FSTL4: variants seen among roughly 807,000 people sequenced by gnomAD.
FSTL4 encodes the protein follistatin like 4, also known as follistatin-related protein 4.
A neutral mutation model predicts 78.2 loss-of-function variants in FSTL4; 28 were observed. The observed-to-expected ratio is 0.36, with a 90% confidence interval of 0.27 to 0.49. The LOEUF is 0.49. FSTL4 is among the 20% of genes least tolerant of loss of function. The pLI is 0.98. For synonymous variants in FSTL4, 422 were observed against 440.5 expected (o/e 0.96, Z 0.53); for missense variants, 922 against 1,084.9 (o/e 0.85, Z 2.11).
the FSTL4 span, among the ~76,000 whole-genome samples, chr5:133,655,184 C>A: frequency 6.6e-6 from 1 of 152,208 alleles, no homozygotes; most frequent in Non-Finnish European, 1.5e-5. Context: ...GTTCTTCCTT[C>A]TTTTCACCTT....
At chr5:133,206,565 T>A (rs1267916086) in intron 14 of FSTL4, among the ~76,000 whole-genome samples, 1 of 152,178 alleles carries the variant, frequency 6.6e-6, no homozygotes, top group African/African-American at 2.4e-5. Context: ...TTTCACCATG[T>A]TGGCCAGGAT....
At chr5:133,352,409 T>C (rs1754852351) in intron 4 of FSTL4, among the ~76,000 whole-genome samples, 1 of 151,016 alleles carries the variant, frequency 6.6e-6, no homozygotes, top group African/African-American at 2.4e-5. Context: ...TATACACATA[T>C]ATATATATGG....
intron 4 of FSTL4, among the ~76,000 whole-genome samples, chr5:133,395,331 C>G (rs145019891): frequency 8.5e-5 from 13 of 152,202 alleles, no homozygotes; most frequent in African/African-American, 2.9e-4. Context: ...CAACTCCAGA[C>G]GCGCCGCCTT....
At chr5:133,479,438 A>C (rs1757984772) in intron 3 of FSTL4, among the ~76,000 whole-genome samples, 1 of 152,366 alleles carries the variant, frequency 6.6e-6, no homozygotes, top group South Asian at 2.1e-4. Context: ...ACAATAGCCA[A>C]AGAGTGGAAG....
chr5:133,298,691 C>G (rs1268457844), intron 6 of FSTL4, among the ~76,000 whole-genome samples: 1 of 152,238 alleles, frequency 6.6e-6, no homozygotes, highest in African/African-American at 2.4e-5. Context: ...GAAACTCAGC[C>G]ATGGTGCTGA....
chr5:133,665,909 C>A, the FSTL4 span, among the ~76,000 whole-genome samples: 41 of 152,336 alleles, frequency 2.7e-4, no homozygotes, highest in Middle Eastern at 3.4e-3. Flanking sequence ...CTGTTTGAAG[C>A]CTGCAAGCTG....
chr5:133,259,314 C>G (rs1481022350), intron 6 of FSTL4, among the ~76,000 whole-genome samples: 2 of 151,764 alleles, frequency 1.3e-5, no homozygotes, highest in Non-Finnish European at 2.9e-5. Context: ...ACAGCCCATA[C>G]AAAGGTCTTG....
intron 14 of FSTL4, among the ~76,000 whole-genome samples, chr5:133,202,917 C>T: frequency 6.6e-6 from 1 of 152,238 alleles, no homozygotes; most frequent in South Asian, 2.1e-4. Flanking sequence ...ACAATGGCAG[C>T]TCTGAGCAGA....
intron 3 of FSTL4, among the ~76,000 whole-genome samples, chr5:133,496,571 G>A (rs1012949432): frequency 1.3e-5 from 2 of 152,200 alleles, no homozygotes; most frequent in African/African-American, 2.4e-5. Context: ...AGGACCAGGA[G>A]AGGAGGCTCC....
At chr5:133,713,698 G>A in the FSTL4 span, among the ~76,000 whole-genome samples, 1 of 152,268 alleles carries the variant, frequency 6.6e-6, no homozygotes, top group Admixed American at 6.5e-5. Flanking sequence ...CTGGGTCCTG[G>A]GTGGGAGGGG....
At chr5:133,630,772 T>G in the FSTL4 span, among the ~76,000 whole-genome samples, 1 of 152,128 alleles carries the variant, frequency 6.6e-6, no homozygotes, top group African/African-American at 2.4e-5. Flanking sequence ...AAAACAGCAT[T>G]GTACTGGTAC....
chr5:133,693,656 G>A, the FSTL4 span, among the ~76,000 whole-genome samples: 1 of 152,196 alleles, frequency 6.6e-6, no homozygotes, highest in Admixed American at 6.5e-5. Flanking sequence ...TACATTTTGT[G>A]CTGCTCTAAC....
intron 1 of FSTL4, among the ~76,000 whole-genome samples, chr5:133,609,502 TGTGA>T (rs1400212684): frequency 6.6e-6 from 1 of 152,220 alleles, no homozygotes; most frequent in Non-Finnish European, 1.5e-5. Context: ...AGTTTTGATA[TGTGA>T]GTGTTTTAGA....
chr5:133,571,289 ATCTG>A (rs1008437072), intron 2 of FSTL4, among the ~76,000 whole-genome samples: 1 of 151,888 alleles, frequency 6.6e-6, no homozygotes, highest in African/African-American at 2.4e-5. Context: ...CCAGGACTCT[ATCTG>A]TCTAACAAGG....
intron 14 of FSTL4, chr5:133,209,941 G>A (rs972537444): frequency 8.0e-6 from 3 of 376,518 alleles, no homozygotes; most frequent in Non-Finnish European, 1.5e-5. Context: ...TTGTGGGGCT[G>A]GATGGGGATT....
the FSTL4 span, among the ~76,000 whole-genome samples, chr5:133,716,565 T>C: frequency 2.0e-5 from 3 of 152,274 alleles, no homozygotes; most frequent in African/African-American, 7.2e-5. Context: ...GTAAAAGATA[T>C]TAACTTTTGT....
intron 4 of FSTL4, 126 bp from the exon 5 acceptor site, chr5:133,316,778 T>C (rs1753915954): frequency 8.7e-6 from 6 of 689,188 alleles, no homozygotes; most frequent in Non-Finnish European, 1.4e-5. Flanking sequence ...CAGTGCACGG[T>C]GCAACTGTCG....
upstream of FSTL4, among the ~76,000 whole-genome samples, chr5:133,616,629 T>TG (rs2112991782): frequency 6.6e-6 from 1 of 152,258 alleles, no homozygotes; most frequent in Admixed American, 6.5e-5. Flanking sequence ...CTTGAACTCC[T>TG]GGGCTCAAGT....
At chr5:133,719,992 A>T in the FSTL4 span, among the ~76,000 whole-genome samples, 1 of 152,174 alleles carries the variant, frequency 6.6e-6, no homozygotes, top group Non-Finnish European at 1.5e-5. Context: ...TTCAAGCTTC[A>T]TTATGGGAGA....
Sources: allele counts gnomAD v4.1 joint callset (sites outside exome capture counted in the v4.1 genomes callset), GRCh38; gene constraint gnomAD v4.1.1; transcripts MANE v1.5; gene names NCBI Gene and HGNC (gene_info 2026-07-23, HGNC 2026-07-21).